DNAH11: variants seen among roughly 807,000 people sequenced by gnomAD.
DNAH11 encodes the protein dynein axonemal heavy chain 11.
DNAH11 carries 442 observed loss-of-function variants against 526.0 expected under a neutral mutation model. The ratio of observed to expected loss-of-function variants is 0.84; its 90% confidence interval spans 0.78 to 0.91. DNAH11 has a LOEUF of 0.91. Among genes scored for constraint, DNAH11 ranks in the 40% least tolerant of loss-of-function variants. The pLI, the probability that DNAH11 is intolerant of heterozygous loss-of-function variation, is 0.00. For missense variants in DNAH11, 6,989 were observed against 5,448.7 expected (o/e 1.28, Z -8.90); for synonymous variants, 2,461 against 1,935.9 (o/e 1.27, Z -7.12).
intron 2 of DNAH11, among the ~76,000 whole-genome samples, chr7:21,545,556 C>T (rs190933171): frequency 3.9e-5 from 6 of 152,238 alleles, no homozygotes; most frequent in Admixed American, 6.5e-5. Flanking sequence ...TTATCAGTTC[C>T]TTTTTATACT....
intron 63 of DNAH11, among the ~76,000 whole-genome samples, chr7:21,813,190 AGTT>A (rs1289665985): frequency 2.1e-5 from 2 of 94,256 alleles, no homozygotes; most frequent in Non-Finnish European, 4.3e-5. Context: ...TTCCATCCAA[AGTT>A]GTTGTTTGCT....
intron 57 of DNAH11, among the ~76,000 whole-genome samples, chr7:21,782,661 C>T (rs2127984647): frequency 1.3e-5 from 2 of 152,298 alleles, no homozygotes; most frequent in South Asian, 4.1e-4. Context: ...CCTGTAATCT[C>T]AGCACTTTGA....
At chr7:21,648,320 C>T (rs187652895) in intron 28 of DNAH11, among the ~76,000 whole-genome samples, 3 of 152,294 alleles carry the variant, frequency 2.0e-5, no homozygotes, top group East Asian at 1.9e-4. Context: ...TGTGATGTGG[C>T]CGTATTGATC....
chr7:21,733,426 C>T (rs1785470950), intron 45 of DNAH11, among the ~76,000 whole-genome samples: 1 of 152,090 alleles, frequency 6.6e-6, no homozygotes, highest in Non-Finnish European at 1.5e-5. Flanking sequence ...TCCCAAGAGC[C>T]AAAAGTGCCT....
intron 73 of DNAH11, 62 bp from the exon 74 acceptor site, chr7:21,873,212 A>C: frequency 7.5e-7 from 1 of 1,332,384 alleles, no homozygotes; most frequent in South Asian, 1.3e-5. Flanking sequence ...GGAAAATGTA[A>C]TCTTATAATT....
At chr7:21,733,397 A>G (rs902662760) in intron 45 of DNAH11, among the ~76,000 whole-genome samples, 1 of 152,170 alleles carries the variant, frequency 6.6e-6, no homozygotes, top group Admixed American at 6.5e-5. Flanking sequence ...TCAAAAAAAA[A>G]GAAGCAGGGA....
chr7:21,546,615 C>T (rs1342831879), intron 2 of DNAH11, among the ~76,000 whole-genome samples: 4 of 152,166 alleles, frequency 2.6e-5, no homozygotes, highest in Non-Finnish European at 5.9e-5. Flanking sequence ...GCCTGCTCCT[C>T]AACATTATGA....
chr7:21,662,916 AG>A (rs1024777308), intron 30 of DNAH11, among the ~76,000 whole-genome samples: 7 of 152,066 alleles, frequency 4.6e-5, no homozygotes, highest in Non-Finnish European at 8.8e-5. Flanking sequence ...AGTGCTTTTT[AG>A]GGTATCTTTC....
rs750152574 is a variant in DNAH11, at chr7:21,854,281, A to C, written c.11062-34A>C. Reference sequence around the variant, plus strand: ...ATATGCGTAGAGAATATGAAGAGTAAATAAGTTACTTATTTTGTTTGATCC... The same window carrying C: ...ATATGCGTAGAGAATATGAAGAGTACATAAGTTACTTATTTTGTTTGATCC... On this transcript the variant is annotated intron_variant, in intron 67 of 81. Coordinates refer to ENST00000409508, the MANE Select transcript of DNAH11 (RefSeq NM_001277115.2). 5.0e-6 allele frequency: 8 copies of C among 1,608,538 alleles called. No homozygotes were observed. In the East Asian group the frequency reaches 1.8e-4, roughly 36 times the overall value.
At chr7:21,690,523 G>C (rs145395312) in intron 34 of DNAH11, among the ~76,000 whole-genome samples, 1 of 152,100 alleles carries the variant, frequency 6.6e-6, no homozygotes, top group African/African-American at 2.4e-5. Flanking sequence ...GGATACTAAG[G>C]CTATGCTAAA....
intron 17 of DNAH11, 65 bp from the exon 18 acceptor site, chr7:21,601,331 C>A: frequency 6.6e-7 from 1 of 1,506,208 alleles, no homozygotes; most frequent in South Asian, 1.3e-5. Flanking sequence ...AATCAGAAGT[C>A]TTATACTGCT....
chr7:21,731,079 G>A (rs530197280), intron 45 of DNAH11, among the ~76,000 whole-genome samples: 46 of 152,216 alleles, frequency 3.0e-4, no homozygotes, highest in African/African-American at 1.1e-3. Context: ...GGGAGGCAGA[G>A]GTTGCAGAGA....
intron 32 of DNAH11, among the ~76,000 whole-genome samples, chr7:21,684,558 G>A (rs1419096474): frequency 1.3e-5 from 2 of 152,200 alleles, no homozygotes; most frequent in Admixed American, 6.5e-5. Context: ...GCCTACTATT[G>A]TGGAGAGCTT....
At chr7:21,643,755 G>C (rs1787227227) in intron 28 of DNAH11, among the ~76,000 whole-genome samples, 1 of 152,092 alleles carries the variant, frequency 6.6e-6, no homozygotes. Context: ...AATCCAAATT[G>C]AGCTATGCTG....
intron 66 of DNAH11, chr7:21,851,399 C>T (rs1400931446): frequency 3.1e-6 from 1 of 327,482 alleles, no homozygotes; most frequent in African/African-American, 2.1e-5. Context: ...TACCCAGTCT[C>T]AGGAAGTCCT....
At chr7:21,894,575 C>T (rs1318028727) in intron 77 of DNAH11, 48 bp from the exon 78 acceptor site, 2 of 1,585,004 alleles carry the variant, frequency 1.3e-6, no homozygotes, top group South Asian at 1.1e-5. Context: ...GTCACCATGA[C>T]GAAAACTGAA....
chr7:21,656,042 G>T, intron 29 of DNAH11, 61 bp downstream of exon 29: 1 of 1,471,296 alleles, frequency 6.8e-7, no homozygotes. Context: ...CTCTTAGAAG[G>T]TTGAGTTCAA....
At chr7:21,721,361 C>G (rs1049091539) in intron 44 of DNAH11, among the ~76,000 whole-genome samples, 6 of 152,214 alleles carry the variant, frequency 3.9e-5, no homozygotes, top group Non-Finnish European at 7.3e-5. Flanking sequence ...TCCCTCTTCT[C>G]CATCCCTGCA....
chr7:21,895,784 C>G (rs1357149919), intron 79 of DNAH11, among the ~76,000 whole-genome samples: 3 of 152,200 alleles, frequency 2.0e-5, no homozygotes, highest in Non-Finnish European at 4.4e-5. Flanking sequence ...GGCTGGAGTG[C>G]AGTGGCGCGA....
Sources: gnomAD v4.1 joint callset for allele counts (sites outside exome capture counted in the v4.1 genomes callset) on GRCh38, gnomAD v4.1.1 for gene constraint, MANE v1.5 for transcripts, NCBI Gene and HGNC (gene_info 2026-07-23, HGNC 2026-07-21) for gene names.